Variants in AFG1L observed in about 807,000 individuals in gnomAD.
The protein encoded by AFG1L is AFG1 like ATPase, also known as AFG1-like ATPase.
Under a neutral mutation model 62.2 loss-of-function variants are expected in AFG1L, and 53 were observed. That is an observed-to-expected ratio of 0.85 (90% CI 0.68 to 1.07). AFG1L has a LOEUF of 1.07. Among genes scored for constraint, AFG1L ranks in the 50% least tolerant of loss-of-function variants. The probability of loss-of-function intolerance (pLI) is 0.00; values close to 1 mark genes in which losing one functional copy is unlikely to be tolerated. For synonymous variants in AFG1L, 228 were observed against 210.3 expected, an observed-to-expected ratio of 1.08 and a Z score of -0.73; for missense variants, 555 against 590.5, an observed-to-expected ratio of 0.94 and a Z score of 0.62.
chr6:108,360,233 C>T (rs1779470217), intron 5 of AFG1L, among the ~76,000 whole-genome samples: 1 of 152,184 alleles, frequency 6.6e-6, no homozygotes, highest in Admixed American at 6.5e-5. Context: ...CTGACCTTGT[C>T]TCCTACAGGT....
At chr6:108,519,640 AC>A in intron 11 of AFG1L, 56 bp from the exon 12 acceptor site, 1 of 901,390 alleles carries the variant, frequency 1.1e-6, no homozygotes, top group Non-Finnish European at 1.8e-6. Flanking sequence ...GATTTTTCTT[AC>A]CTTCAACTTG....
At position 108,420,530 on chromosome 6, in the gene AFG1L, G is replaced by C. The variant is rs987876219; in HGVS notation, c.807+18476G>C. The stretch of plus-strand genomic sequence containing the variant: ...CAGGCACTAAAGTTTTATTTGTAAT[G>C]GTGTTTTTGTGCTGTGTCGTTGCAA... On this transcript the variant is annotated intron_variant, in intron 7 of 12. Transcript: ENST00000368977. Among the ~76,000 whole-genome samples the C allele has an allele frequency of 6.0e-5, 9 of 151,108 alleles. No homozygotes were observed. In the South Asian group the frequency reaches 1.9e-3, roughly 31 times the overall value.
At chr6:108,299,687 C>G (rs1418447651) in intron 1 of AFG1L, among the ~76,000 whole-genome samples, 1 of 152,122 alleles carries the variant, frequency 6.6e-6, no homozygotes. Flanking sequence ...CCTGAAATCC[C>G]AGCTACTCAT....
At chr6:108,496,870 A>G (rs1322726711) in intron 10 of AFG1L, among the ~76,000 whole-genome samples, 1 of 152,180 alleles carries the variant, frequency 6.6e-6, no homozygotes. Flanking sequence ...ATAATTTTGC[A>G]TTATGCTTTT....
At chr6:108,490,884 C>T (rs1383239856) in intron 10 of AFG1L, among the ~76,000 whole-genome samples, 1 of 152,226 alleles carries the variant, frequency 6.6e-6, no homozygotes, top group East Asian at 1.9e-4. Flanking sequence ...GACGGATGCT[C>T]AGTACATACT....
At chr6:108,352,722 G>A (rs1395794863) in intron 3 of AFG1L, among the ~76,000 whole-genome samples, 1 of 151,000 alleles carries the variant, frequency 6.6e-6, no homozygotes, top group Admixed American at 6.6e-5. Flanking sequence ...GCACCACAAT[G>A]CCCAACTAAT....
chr6:108,380,906 A>G (rs1445648291), intron 6 of AFG1L, among the ~76,000 whole-genome samples: 1 of 152,190 alleles, frequency 6.6e-6, no homozygotes, highest in Non-Finnish European at 1.5e-5. Context: ...CATCTCTATC[A>G]GCTGGATGCT....
At position 108,295,096 on chromosome 6, in the gene AFG1L, C is replaced by A. The variant is rs1416908327; in HGVS notation, c.17C>A (p.Ser6Ter). 4 of 1,611,432 alleles carry A rather than the reference C, an allele frequency of 2.5e-6. No homozygotes were observed. Among genetic ancestry groups the A allele is most frequent in the East Asian group, 2.2e-5 (1 of 44,872 alleles). ...GAGTTCAAGATGGCGGCCTCCTGGT[C>A]GCTCTTGGTTACCCTGCGCCCCTTA... MAASW[S>*]LLVTLRPLAQ... The change falls in exon 1 of 13, where the codon TCG becomes TAG. Residue 6 changes from serine to a stop codon, truncating the protein, a stop_gained. Coordinates refer to ENST00000368977, the MANE Select transcript of AFG1L (RefSeq NM_145315.5). LOFTEE classifies it high-confidence loss of function.
chr6:108,466,010 AT>A (rs1287686346), intron 8 of AFG1L, among the ~76,000 whole-genome samples: 3 of 152,102 alleles, frequency 2.0e-5, no homozygotes, highest in Non-Finnish European at 4.4e-5. Flanking sequence ...TCACTACACT[AT>A]GGATTAAGTC....
At chr6:108,313,985 C>T (rs533513764) in intron 1 of AFG1L, among the ~76,000 whole-genome samples, 368 of 152,214 alleles carry the variant, frequency 2.4e-3, no homozygotes, top group Middle Eastern at 0.014. Context: ...GAGGCCAAGG[C>T]GAGTGGATCA....
At chr6:108,366,174 A>C in intron 5 of AFG1L, 59 bp from the exon 6 acceptor site, 2 of 1,015,174 alleles carry the variant, frequency 2.0e-6, no homozygotes, top group Non-Finnish European at 3.0e-6. Context: ...ATGATCCACT[A>C]GCAAATTTGT....
At chr6:108,414,918 C>G (rs1782290995) in intron 7 of AFG1L, among the ~76,000 whole-genome samples, 1 of 152,110 alleles carries the variant, frequency 6.6e-6, no homozygotes, top group Non-Finnish European at 1.5e-5. Context: ...AAGTTCTGGC[C>G]AGGGCAATCA....
At chr6:108,362,222 A>C (rs1293413973) in intron 5 of AFG1L, among the ~76,000 whole-genome samples, 1 of 152,188 alleles carries the variant, frequency 6.6e-6, no homozygotes, top group Non-Finnish European at 1.5e-5. Flanking sequence ...CTAATTGAAT[A>C]CATAAAAAAT....
intron 8 of AFG1L, among the ~76,000 whole-genome samples, chr6:108,458,820 T>C (rs1172151611): frequency 6.6e-6 from 1 of 152,196 alleles, no homozygotes; most frequent in Non-Finnish European, 1.5e-5. Flanking sequence ...TTTATTGTGT[T>C]TCAGATACTG....
chr6:108,377,472 G>A (rs1043571924), intron 6 of AFG1L, among the ~76,000 whole-genome samples: 16 of 152,248 alleles, frequency 1.1e-4, no homozygotes, highest in African/African-American at 3.9e-4. Flanking sequence ...TTGCTTGTCT[G>A]GAAAAGATTT....
In AFG1L at chr6:108,494,830, G is replaced by A. The variant is rs140796240; in HGVS notation, c.1063-15382G>A. ...CTGTCACCCAGGCTGGAGTGCAGTG[G>A]TCCCATCTCAGCTCACTGCAACCTA... On this transcript the variant is annotated intron_variant, in intron 10 of 12. Transcript: ENST00000368977. 6.4e-4 allele frequency among the ~76,000 whole-genome samples: 97 copies of A among 150,674 alleles called. 1 individual carries two copies. Among genetic ancestry groups the A allele is most frequent in the African/African-American group, 2.3e-3 (93 of 40,990 alleles).
intron 6 of AFG1L, among the ~76,000 whole-genome samples, chr6:108,389,965 A>C (rs569496579): frequency 1.8e-4 from 27 of 152,280 alleles, no homozygotes; most frequent in South Asian, 1.2e-3. Flanking sequence ...TAATATCCTG[A>C]AGAGTGTTTT....
rs527540225 is a variant in AFG1L at position 108,382,125 on chromosome 6, C to T, written c.748+15793C>T. Reference sequence around the variant, plus strand: ...AAGCGATTTTCCTGCCTCAGCCTCCCGAGTAGCTGGGATTACAGGCACGCG... The same window carrying T: ...AAGCGATTTTCCTGCCTCAGCCTCCTGAGTAGCTGGGATTACAGGCACGCG... On this transcript the variant is annotated intron_variant, in intron 6 of 12. Coordinates refer to ENST00000368977, the MANE Select transcript of AFG1L (RefSeq NM_145315.5). Among the ~76,000 whole-genome samples, 65 of 151,856 alleles carry T rather than the reference C, an allele frequency of 4.3e-4. 1 individual carries two copies. Among genetic ancestry groups the T allele is most frequent in the African/African-American group, 1.5e-3 (62 of 41,418 alleles).
At chr6:108,368,889 A>G (rs976556748) in intron 6 of AFG1L, among the ~76,000 whole-genome samples, 7 of 152,168 alleles carry the variant, frequency 4.6e-5, no homozygotes, top group Admixed American at 1.3e-4. Context: ...GTGTCAGGGT[A>G]GCCTGCAGAA....
Sources: gnomAD v4.1 joint callset for allele counts (sites outside exome capture counted in the v4.1 genomes callset) on GRCh38, gnomAD v4.1.1 for gene constraint, MANE v1.5 for transcripts, NCBI Gene and HGNC (gene_info 2026-07-23, HGNC 2026-07-21) for gene names.